GALNT13: variants seen among roughly 807,000 people sequenced by gnomAD.
The protein encoded by GALNT13 is polypeptide N-acetylgalactosaminyltransferase 13.
GALNT13 carries 28 observed loss-of-function variants against 64.2 expected under a neutral mutation model. The ratio of observed to expected loss-of-function variants is 0.44; its 90% CI spans 0.32 to 0.60. The LOEUF is 0.60. Among genes scored for constraint, GALNT13 ranks in the 20% least tolerant of loss-of-function variants. The pLI is 0.05. For missense variants in GALNT13, 577 were observed against 669.8 expected, an observed-to-expected ratio of 0.86 and a Z score of 1.53; for synonymous variants, 214 against 224.6, an observed-to-expected ratio of 0.95 and a Z score of 0.42.
intron 4 of GALNT13, among the ~76,000 whole-genome samples, chr2:154,167,691 G>A (rs1393073089): frequency 6.6e-6 from 1 of 152,158 alleles, no homozygotes; most frequent in Non-Finnish European, 1.5e-5. Flanking sequence ...GGGAGAGAAA[G>A]GCATCCATGT....
chr2:153,502,905 T>C, the GALNT13 span, among the ~76,000 whole-genome samples: 4 of 144,832 alleles, frequency 2.8e-5, no homozygotes, highest in Non-Finnish European at 6.3e-5. Context: ...TGTCTATTCA[T>C]GTCCTTAGCC....
intron 9 of GALNT13, among the ~76,000 whole-genome samples, chr2:154,355,660 A>T (rs913268617): frequency 6.6e-6 from 1 of 152,058 alleles, no homozygotes; most frequent in African/African-American, 2.4e-5. Context: ...CCCAGAGTTT[A>T]TTTATAAATG....
chr2:153,710,422 T>C, the GALNT13 span, among the ~76,000 whole-genome samples: 1 of 152,128 alleles, frequency 6.6e-6, no homozygotes, highest in African/African-American at 2.4e-5. Context: ...ATCTCGATAC[T>C]ATTATGAAAA....
chr2:153,774,403 A>G, the GALNT13 span, among the ~76,000 whole-genome samples: 2 of 152,130 alleles, frequency 1.3e-5, no homozygotes, highest in African/African-American at 4.8e-5. Context: ...ATGGCATTGC[A>G]ATTATGAAAA....
downstream of GALNT13, among the ~76,000 whole-genome samples, chr2:154,456,289 T>C (rs184867267): frequency 1.2e-4 from 18 of 152,186 alleles, no homozygotes; most frequent in Admixed American, 5.9e-4. Context: ...CATGGTTCTT[T>C]AACATTTATA....
the GALNT13 span, among the ~76,000 whole-genome samples, chr2:153,427,975 T>A: frequency 1.4e-4 from 22 of 152,186 alleles, no homozygotes; most frequent in Admixed American, 3.3e-4. Flanking sequence ...TTATACTTTT[T>A]GTTTTTGCTC....
At chr2:153,959,668 G>T (rs1226359498) in intron 3 of GALNT13, among the ~76,000 whole-genome samples, 1 of 152,216 alleles carries the variant, frequency 6.6e-6, no homozygotes. Context: ...AGCAGAAATG[G>T]CACAGACTGT....
At chr2:153,669,149 G>T in the GALNT13 span, among the ~76,000 whole-genome samples, 1 of 152,030 alleles carries the variant, frequency 6.6e-6, no homozygotes, top group African/African-American at 2.4e-5. Flanking sequence ...AGAGAGCTCC[G>T]GCAGAGTGGC....
chr2:153,991,027 A>G (rs1444383899), intron 3 of GALNT13, among the ~76,000 whole-genome samples: 2 of 152,194 alleles, frequency 1.3e-5, no homozygotes. Flanking sequence ...CTCTGGGGAC[A>G]TATGTTCAAC....
At chr2:153,921,530 G>A (rs1463351365) in intron 2 of GALNT13, among the ~76,000 whole-genome samples, 2 of 152,184 alleles carry the variant, frequency 1.3e-5, no homozygotes, top group East Asian at 1.9e-4. Context: ...TTATTCTTGG[G>A]TGATGAAATA....
chr2:154,087,743 G>A (rs537868822), intron 3 of GALNT13, among the ~76,000 whole-genome samples: 2 of 152,116 alleles, frequency 1.3e-5, no homozygotes, highest in East Asian at 1.9e-4. Context: ...CCTGACACAC[G>A]GGAGATGTTT....
At chr2:153,986,856 T>C (rs1694835031) in intron 3 of GALNT13, among the ~76,000 whole-genome samples, 1 of 151,934 alleles carries the variant, frequency 6.6e-6, no homozygotes, top group Non-Finnish European at 1.5e-5. Context: ...AAACTTGTAT[T>C]TCATCTGAAG....
chr2:153,459,332 A>G, the GALNT13 span, among the ~76,000 whole-genome samples: 296 of 152,216 alleles, frequency 1.9e-3, 2 homozygotes, highest in African/African-American at 6.4e-3. Context: ...TTACAAAAGA[A>G]TCTGCCAGGC....
At chr2:153,380,822 TAA>T in the GALNT13 span, among the ~76,000 whole-genome samples, 1 of 152,194 alleles carries the variant, frequency 6.6e-6, no homozygotes, top group Non-Finnish European at 1.5e-5. Flanking sequence ...TATTGTATTT[TAA>T]GTTTTAAAAT....
At chr2:154,419,524 A>G (rs1188793140) in intron 11 of GALNT13, among the ~76,000 whole-genome samples, 1 of 152,162 alleles carries the variant, frequency 6.6e-6, no homozygotes, top group Non-Finnish European at 1.5e-5. Flanking sequence ...TGTCAATTCA[A>G]GTCAATCTAG....
chr2:154,376,063 T>C (rs1451472414), intron 9 of GALNT13, among the ~76,000 whole-genome samples: 1 of 152,202 alleles, frequency 6.6e-6, no homozygotes, highest in Non-Finnish European at 1.5e-5. Flanking sequence ...ATATATAATT[T>C]GCCCTTCTTT....
chr2:153,478,917 C>T, the GALNT13 span: 1 of 282,966 alleles, frequency 3.5e-6, no homozygotes, highest in Non-Finnish European at 6.6e-6. Context: ...AACAGCGGCC[C>T]CTTCCGGCCG....
the GALNT13 span, among the ~76,000 whole-genome samples, chr2:153,709,634 T>C: frequency 2.6e-5 from 4 of 152,026 alleles, no homozygotes; most frequent in Non-Finnish European, 5.9e-5. Flanking sequence ...GCAATCTCAC[T>C]TTTGGGTATT....
intron 3 of GALNT13, among the ~76,000 whole-genome samples, chr2:154,005,400 A>C (rs1453816584): frequency 6.6e-6 from 1 of 152,156 alleles, no homozygotes; most frequent in East Asian, 1.9e-4. Context: ...TGTGCCCACT[A>C]TGATATTTTT....
Sources: allele counts gnomAD v4.1 joint callset (sites outside exome capture counted in the v4.1 genomes callset), GRCh38; gene constraint gnomAD v4.1.1; transcripts MANE v1.5; gene names NCBI Gene and HGNC (gene_info 2026-07-23, HGNC 2026-07-21).